Variants in TK2 observed in about 807,000 individuals in gnomAD.
The protein encoded by TK2 is thymidine kinase 2, mitochondrial.
A neutral mutation model predicts 41.9 loss-of-function variants in TK2; 35 were observed. The ratio of observed to expected loss-of-function variants is 0.84; its 90% CI spans 0.64 to 1.11. TK2 has a LOEUF of 1.11. TK2 is among the 50% of genes least tolerant of loss of function. The pLI, the probability that TK2 is intolerant of heterozygous loss-of-function variation, is 0.00. For missense variants in TK2, 320 were observed against 351.1 expected (o/e 0.91, Z 0.71); for synonymous variants, 128 against 129.1 (o/e 0.99, Z 0.06).
rs1964433355 is a variant in TK2, at chr16:66,510,964, A to C, written c.*1004T>G. 6.6e-6 allele frequency: 1 copy of C among 152,172 alleles called. No individual in the cohort carries two copies. 9.4% of individuals were successfully genotyped at this position (152,172 alleles called of 1,614,324 possible). Reference sequence around the variant, plus strand: ...ATGAAATAACACTTCAAAAAGACTTAAGGCCACTTGTGTCTCTCTCTTGGG... The same window carrying C: ...ATGAAATAACACTTCAAAAAGACTTCAGGCCACTTGTGTCTCTCTCTTGGG... On this transcript the variant is annotated 3_prime_UTR_variant, in exon 10 of 10. Coordinates refer to ENST00000544898, the MANE Select transcript of TK2 (RefSeq NM_004614.5).
intron 4 of TK2, among the ~76,000 whole-genome samples, chr16:66,534,375 G>T (rs1237183903): frequency 6.6e-6 from 1 of 152,252 alleles, no homozygotes; most frequent in Non-Finnish European, 1.5e-5. Flanking sequence ...TCTGTAGTCT[G>T]TTCTCTATCC....
At chr16:66,533,462 A>C (rs1965182273) in intron 4 of TK2, among the ~76,000 whole-genome samples, 1 of 151,824 alleles carries the variant, frequency 6.6e-6, no homozygotes, top group Non-Finnish European at 1.5e-5. Context: ...AGGCAGGAGG[A>C]TCACTTGAGC....
chr16:66,549,754 G>A, intron 1 of TK2, 184 bp downstream of exon 1: 3 of 1,278,628 alleles, frequency 2.3e-6, no homozygotes, highest in Middle Eastern at 3.0e-4. Flanking sequence ...AGCGCCCCCA[G>A]CGCTCGCTGC....
chr16:66,549,382 A>G (rs569144922), intron 1 of TK2: 26 of 1,123,970 alleles, frequency 2.3e-5, no homozygotes, highest in Non-Finnish European at 2.7e-5. Flanking sequence ...TGGGCCTGGG[A>G]CCCAGGTGTT....
At chr16:66,547,707 T>A (rs1003771462) in intron 2 of TK2, among the ~76,000 whole-genome samples, 2 of 151,184 alleles carry the variant, frequency 1.3e-5, no homozygotes, top group African/African-American at 4.9e-5. Flanking sequence ...ACCTCCCCCA[T>A]CAGACAGACC....
intron 2 of TK2, among the ~76,000 whole-genome samples, chr16:66,542,694 C>T (rs747804636): frequency 6.6e-6 from 1 of 152,132 alleles, no homozygotes. Context: ...TCTACCTATA[C>T]CAAAGACCAA....
At chr16:66,526,654 A>G (rs1020770198) in intron 6 of TK2, among the ~76,000 whole-genome samples, 14 of 152,166 alleles carry the variant, frequency 9.2e-5, no homozygotes, top group African/African-American at 2.7e-4. Context: ...CAGGAGGCTG[A>G]GGTAGGAGGA....
rs1254883673 is a variant in TK2 at position 66,531,390 on chromosome 16, G to A, written c.365C>T (p.Thr122Ile). ...GCATCTGAAACCTACCTGAGGACGA[G>A]TATGCCTGTCCAGCATGGTGAGCTG... is the stretch of plus-strand genomic sequence containing the variant. ...YVQLTMLDRHTRPQVSSVRLM... is the reference protein window; with the variant it reads ...YVQLTMLDRHIRPQVSSVRLM... The change falls in exon 5 of 10, where the codon ACT (threonine) becomes ATT (isoleucine). Residue 122 changes from threonine to isoleucine, a missense_variant. Thr to Ile is a moderately conservative substitution (Grantham distance 89). Coordinates refer to ENST00000544898, the MANE Select transcript of TK2 (RefSeq NM_004614.5). 1 of 1,614,172 alleles carries A rather than the reference G, an allele frequency of 6.2e-7. No individual in the cohort carries two copies. Among genetic ancestry groups the A allele is most frequent in the Admixed American group, 1.7e-5 (1 of 60,028 alleles).
At chr16:66,531,795 T>C (rs774224826) in intron 4 of TK2, among the ~76,000 whole-genome samples, 2 of 152,198 alleles carry the variant, frequency 1.3e-5, no homozygotes, top group Non-Finnish European at 2.9e-5. Context: ...AACATGATCT[T>C]ACACTTAGAA....
chr16:66,548,872 T>C (rs1965689121), intron 2 of TK2, 106 bp downstream of exon 2: 5 of 1,069,610 alleles, frequency 4.7e-6, no homozygotes, highest in Non-Finnish European at 7.1e-6. Context: ...TCTTGTATTT[T>C]TGCTTTTTAC....
In TK2 at chr16:66,508,648, A is replaced by G. The variant is rs999238928; in HGVS notation, c.*3320T>C. On this transcript the variant is annotated 3_prime_UTR_variant, in exon 10 of 10. Transcript: ENST00000544898. The stretch of plus-strand genomic sequence containing the variant: ...TAGACAGGTTTCAGGACCACCTTTT[A>G]CCTGCTCTGAGGTTTAAATGGCACC... The G allele has an allele frequency of 6.6e-6, 1 of 152,192 alleles. No homozygotes were observed. Among genetic ancestry groups the G allele is most frequent in the African/African-American group, 2.4e-5 (1 of 41,444 alleles). The allele number at this position is 152,192 out of a possible 1,614,324, so 9.4% of individuals were successfully genotyped here.
In TK2 at chr16:66,511,720, G is replaced by A; in HGVS notation, c.*248C>T. ...GACTCAGCAGCACAAAGCCATGGGA[G>A]AGGCACCGGGGGAATGTGAGGCTGC... On this transcript the variant is annotated 3_prime_UTR_variant, in exon 10 of 10. Transcript: ENST00000544898. The A allele has an allele frequency of 1.7e-6, 1 of 571,874 alleles. No homozygotes were observed. The allele number at this position is 571,874 out of a possible 1,614,324, so 35.4% of individuals were successfully genotyped here.
chr16:66,514,637 C>T lies in TK2; in HGVS notation c.619-826G>A, dbSNP rs1406372698. Reference sequence around the variant, plus strand: ...CCGCTCAGTCTGGGAAGTGAGGAGCCCCTCTGCCCGGCCACCACCCCGTCT... The same window carrying T: ...CCGCTCAGTCTGGGAAGTGAGGAGCTCCTCTGCCCGGCCACCACCCCGTCT... On this transcript the variant is annotated intron_variant, in intron 8 of 9. Coordinates refer to ENST00000544898, the MANE Select transcript of TK2 (RefSeq NM_004614.5). This position sits in a 1 kb window ranked among gnomAD's most constrained non-coding sequence, Gnocchi z 4.2. 6.6e-6 allele frequency among the ~76,000 whole-genome samples: 1 copy of T among 152,008 alleles called. No homozygotes were observed. Among genetic ancestry groups the T allele is most frequent in the East Asian group, 1.9e-4 (1 of 5,174 alleles).
chr16:66,538,624 T>A lies in TK2; in HGVS notation c.232-1607A>T, dbSNP rs551372795. Among the ~76,000 whole-genome samples the A allele has an allele frequency of 6.6e-5, 10 of 152,288 alleles. 2 individuals are homozygous for A. In the South Asian group the frequency reaches 1.7e-3, roughly 25 times the overall value. On this transcript the variant is annotated intron_variant, in intron 3 of 9. Transcript: ENST00000544898. Reference sequence around the variant, plus strand: ...CTCTGCCTTCACAGAACCTTAAGCCTACCAGGGGAAGCAGACATTACTCAG... The same window carrying A: ...CTCTGCCTTCACAGAACCTTAAGCCAACCAGGGGAAGCAGACATTACTCAG...
intron 5 of TK2, among the ~76,000 whole-genome samples, chr16:66,529,657 G>A (rs932785125): frequency 3.3e-5 from 5 of 152,160 alleles, no homozygotes; most frequent in East Asian, 1.9e-4. Flanking sequence ...TTTGTCCAGC[G>A]TTCCTCTGGG....
At chr16:66,530,544 T>C (rs1965077763) in intron 5 of TK2, among the ~76,000 whole-genome samples, 1 of 152,090 alleles carries the variant, frequency 6.6e-6, no homozygotes, top group African/African-American at 2.4e-5. Context: ...TCTCAAGAAT[T>C]TGAACTAAGA....
At chr16:66,522,357 A>G (rs1440704467) in intron 6 of TK2, among the ~76,000 whole-genome samples, 2 of 152,138 alleles carry the variant, frequency 1.3e-5, no homozygotes, top group African/African-American at 2.4e-5. Flanking sequence ...AGTGTCCCCA[A>G]CCACAAGCCA....
At chr16:66,528,377 C>T (rs1483929810) in intron 6 of TK2, among the ~76,000 whole-genome samples, 2 of 152,188 alleles carry the variant, frequency 1.3e-5, no homozygotes, top group Non-Finnish European at 2.9e-5. Flanking sequence ...AGAGTCTGCT[C>T]TCATGAGGGA....
In TK2 at chr16:66,548,963, A is replaced by C. The variant is rs80083556; in HGVS notation, c.156+15T>G. 3.7e-6 allele frequency: 6 copies of C among 1,611,310 alleles called. No homozygotes were observed. The highest frequency in any genetic ancestry group is 4.2e-6 in the Non-Finnish European group (5 of 1,177,710). Reference sequence around the variant, plus strand: ...CCAAATTATCCTAGAGAGTACACATAAAAGAGGGACTTACCACTGATTTTT... The same window carrying C: ...CCAAATTATCCTAGAGAGTACACATCAAAGAGGGACTTACCACTGATTTTT... On this transcript the variant is annotated intron_variant, in intron 2 of 9. Coordinates refer to ENST00000544898, the MANE Select transcript of TK2 (RefSeq NM_004614.5).
Sources: gnomAD v4.1 joint callset for allele counts (sites outside exome capture counted in the v4.1 genomes callset) on GRCh38, gnomAD v4.1.1 for gene constraint, Gnocchi (gnomAD v3.1) non-coding constraint, MANE v1.5 for transcripts, NCBI Gene and HGNC (gene_info 2026-07-23, HGNC 2026-07-21) for gene names.